Variants in APOLD1 observed in about 807,000 individuals in gnomAD.
The protein encoded by APOLD1 is apolipoprotein L domain containing 1.
A neutral mutation model predicts 15.3 loss-of-function variants in APOLD1; 22 were observed. The observed-to-expected ratio is 1.44, with a 90% CI of 1.03 to 2.05. The LOEUF (loss-of-function observed/expected upper bound fraction) is 2.05. Ranked by LOEUF, APOLD1 falls within the 30% of genes most tolerant of loss-of-function variation. APOLD1 has a pLI of 0.00. For missense variants in APOLD1, 394 were observed against 353.5 expected (o/e 1.11, Z -0.92); for synonymous variants, 190 against 167.4 (o/e 1.13, Z -1.04).
At chr12:12,746,266 C>T (rs1351260694) in intron 1 of APOLD1, among the ~76,000 whole-genome samples, 3 of 152,218 alleles carry the variant, frequency 2.0e-5, no homozygotes, top group Admixed American at 2.0e-4. Context: ...GAAGCCGAGG[C>T]GGGTGGGTCA....
At chr12:12,735,468 T>A (rs1946677164) in intron 1 of APOLD1, among the ~76,000 whole-genome samples, 1 of 152,046 alleles carries the variant, frequency 6.6e-6, no homozygotes. Flanking sequence ...CAGAACACAG[T>A]CCAAGGCTGC....
chr12:12,781,672 C>T (rs569915108), upstream of APOLD1, among the ~76,000 whole-genome samples: 9 of 151,400 alleles, frequency 5.9e-5, no homozygotes, highest in Non-Finnish European at 8.8e-5. Context: ...GGACTACAGG[C>T]GCCTGCCACC....
Position 12,787,300 on chromosome 12 carries a change from G to A in APOLD1, c.395G>A (p.Arg132Gln), listed in dbSNP as rs754052532. The A allele has an allele frequency of 9.9e-6, 16 of 1,611,220 alleles. No homozygotes were observed. The highest frequency in any genetic ancestry group is 1.7e-5 in the Admixed American group (1 of 59,866). ...EIAATCQDQM[R>Q]EILSCLEFFC... ...GCGGCCACCTGCCAGGACCAGATGC[G>A]AGAGATCCTGAGCTGCCTCGAGTTT... is the stretch of plus-strand genomic sequence containing the variant. The change falls in exon 2 of 2, where the codon CGA becomes CAA. Residue 132 changes from arginine to glutamine, a missense_variant. By Grantham distance (43) the Arg-to-Gln change is conservative. Coordinates refer to ENST00000356591, the MANE Select transcript of APOLD1 (RefSeq NM_030817.3). The surrounding 1 kb of genome is among the most constrained non-coding windows in gnomAD (Gnocchi z 4.9).
At chr12:12,756,737 A>G (rs959997783) in intron 1 of APOLD1, among the ~76,000 whole-genome samples, 3 of 152,148 alleles carry the variant, frequency 2.0e-5, no homozygotes, top group African/African-American at 4.8e-5. Context: ...TGTCTAGTCT[A>G]GGTACCTAAT....
At chr12:12,728,665 C>CTAAAA (rs1258351425) in intron 1 of APOLD1, among the ~76,000 whole-genome samples, 1 of 62,872 alleles carries the variant, frequency 1.6e-5, no homozygotes, top group Non-Finnish European at 2.8e-5. Context: ...GACCCTGTCT[C>CTAAAA]AAAAAAAAAA....
rs1040202794 is a variant in APOLD1 at position 12,787,988 on chromosome 12, G to C, written c.*336G>C. On this transcript the variant is annotated 3_prime_UTR_variant, in exon 2 of 2. Coordinates refer to ENST00000356591, the MANE Select transcript of APOLD1 (RefSeq NM_030817.3). This position sits in a 1 kb window ranked among gnomAD's most constrained non-coding sequence, Gnocchi z 4.9. Reference sequence around the variant, plus strand: ...CGGGGTCCCTGACCCTGCCCTGGTGGCTTGGCCTGAGACTGGAGAGAGTGC... The same window carrying C: ...CGGGGTCCCTGACCCTGCCCTGGTGCCTTGGCCTGAGACTGGAGAGAGTGC... The C allele has an allele frequency of 1.7e-5, 4 of 240,896 alleles. No homozygotes were observed. Among genetic ancestry groups the C allele is most frequent in the Non-Finnish European group, 3.2e-5 (4 of 123,916 alleles). The allele number at this position is 240,896 out of a possible 1,614,324, so 14.9% of individuals were successfully genotyped here. A position where few individuals can be genotyped will look rare whatever the true frequency, so the allele number is the denominator to read the frequency against.
intron 1 of APOLD1, among the ~76,000 whole-genome samples, chr12:12,745,844 C>T (rs1592293478): frequency 6.6e-6 from 1 of 152,096 alleles, no homozygotes; most frequent in African/African-American, 2.4e-5. Flanking sequence ...GCAGATCTTT[C>T]AGCCCGCATG....
chr12:12,771,030 C>T lies in APOLD1; in HGVS notation c.97-15879C>T, dbSNP rs576802759. On this transcript the variant is annotated intron_variant, in intron 1 of 1. Coordinates refer to the APOLD1 transcript ENST00000326765. ...GTGAAATCATCCTTTAAAAGTGGCA[C>T]AGAAATAAAGGTCTTCTCAGACAAA... Among the ~76,000 whole-genome samples the T allele has an allele frequency of 2.6e-5, 4 of 152,088 alleles. No homozygotes were observed. The South Asian group carries it at 6.2e-4, about 24-fold the overall frequency.
At chr12:12,736,942 G>T (rs1334803363) in intron 1 of APOLD1, among the ~76,000 whole-genome samples, 4 of 152,202 alleles carry the variant, frequency 2.6e-5, no homozygotes, top group Admixed American at 2.6e-4. Flanking sequence ...CTTAGCTGGA[G>T]CTCCCTTTTC....
At chr12:12,735,895 T>C (rs929162642) in intron 1 of APOLD1, among the ~76,000 whole-genome samples, 1 of 152,090 alleles carries the variant, frequency 6.6e-6, no homozygotes, top group Non-Finnish European at 1.5e-5. Flanking sequence ...TTTAGTGAGC[T>C]ATAATCCACC....
rs537288288 is a variant in APOLD1 at position 12,786,607 on chromosome 12, AT to A, written c.4-299del. ...CCACGCCCCTCCCAGTTTAAATCTT[AT>A]TTAACACATAGCTGATGAAGCCCAT... is the stretch of plus-strand genomic sequence containing the variant. On this transcript the variant is annotated intron_variant, in intron 1 of 1. Coordinates refer to ENST00000356591, the MANE Select transcript of APOLD1 (RefSeq NM_030817.3). 2.2e-4 allele frequency: 211 copies of A among 972,702 alleles called. 3 individuals are homozygous for A. The African/African-American group carries it at 3.4e-3, about 16-fold the overall frequency. The allele number at this position is 972,702 out of a possible 1,614,324, so 60.3% of individuals were successfully genotyped here.
rs558844488 is a variant in APOLD1 at position 12,740,077 on chromosome 12, G to C, written c.96+13981G>C. ...GGTCACTGCAACCTCTGCCTCCCAG[G>C]TTCAAGCGATTCTCCTGCATCAGCC... is the stretch of plus-strand genomic sequence containing the variant. On this transcript the variant is annotated intron_variant, in intron 1 of 1. Coordinates refer to the APOLD1 transcript ENST00000326765. Among the ~76,000 whole-genome samples the C allele has an allele frequency of 1.3e-3, 196 of 151,942 alleles. 1 individual carries two copies. The highest frequency in any genetic ancestry group is 2.4e-3 in the Admixed American group (36 of 15,226).
At chr12:12,759,548 T>C (rs970835352) in intron 1 of APOLD1, among the ~76,000 whole-genome samples, 2 of 152,074 alleles carry the variant, frequency 1.3e-5, no homozygotes, top group East Asian at 3.9e-4. Context: ...GCAATAGATA[T>C]CTGTTTTTGT....
At chr12:12,777,889 GTTTTTTTTTTTTTTTTTTT>G (rs71436735) in intron 1 of APOLD1, among the ~76,000 whole-genome samples, 28 of 117,142 alleles carry the variant, frequency 2.4e-4, no homozygotes, top group African/African-American at 9.4e-4. Flanking sequence ...AAGGAAAGGT[GTTTTTTTTTTTTTTTTTTT>G]TTTTTTTTTT....
chr12:12,742,374 A>C (rs992439136), intron 1 of APOLD1, among the ~76,000 whole-genome samples: 1 of 152,178 alleles, frequency 6.6e-6, no homozygotes, highest in South Asian at 2.1e-4. Flanking sequence ...CCCAAGGGAA[A>C]AGTTTTAAAA....
chr12:12,739,965 C>T (rs534246828), intron 1 of APOLD1, among the ~76,000 whole-genome samples: 1 of 149,106 alleles, frequency 6.7e-6, no homozygotes, highest in South Asian at 2.1e-4. Flanking sequence ...TACAGGTGTG[C>T]ACTGCCACAT....
chr12:12,755,015 C>T (rs968990799), intron 1 of APOLD1, among the ~76,000 whole-genome samples: 1 of 151,914 alleles, frequency 6.6e-6, no homozygotes, highest in African/African-American at 2.4e-5. Flanking sequence ...CACTGCACTC[C>T]AGTCTGGGCG....
chr12:12,745,420 C>T (rs1946758115), intron 1 of APOLD1, among the ~76,000 whole-genome samples: 1 of 152,032 alleles, frequency 6.6e-6, no homozygotes, highest in Non-Finnish European at 1.5e-5. Flanking sequence ...ATCCTAGCTA[C>T]TCTGGAGGCT....
intron 1 of APOLD1, among the ~76,000 whole-genome samples, chr12:12,731,581 G>A (rs1946642468): frequency 6.6e-6 from 1 of 152,072 alleles, no homozygotes; most frequent in African/African-American, 2.4e-5. Flanking sequence ...ACAAATCCAT[G>A]AAGAAAACAC....
Sources: allele counts gnomAD v4.1 joint callset (sites outside exome capture counted in the v4.1 genomes callset), GRCh38; gene constraint gnomAD v4.1.1; non-coding constraint Gnocchi (gnomAD v3.1); transcripts MANE v1.5; gene names NCBI Gene and HGNC (gene_info 2026-07-23, HGNC 2026-07-21).